Variants in CREB5 observed in about 807,000 individuals in gnomAD.
CREB5 encodes cyclic AMP-responsive element-binding protein 5.
A neutral mutation model predicts 57.1 loss-of-function variants in CREB5; 19 were observed. That is an observed-to-expected ratio of 0.33 (90% CI 0.23 to 0.49). CREB5 has a LOEUF of 0.49. CREB5 is among the 20% of genes least tolerant of loss of function. The pLI, the probability that CREB5 is intolerant of heterozygous loss-of-function variation, is 0.99. For missense variants in CREB5, 579 were observed against 671.6 expected (o/e 0.86, Z 1.52); for synonymous variants, 238 against 238.3 (o/e 1.00, Z 0.01).
intron 5 of CREB5, among the ~76,000 whole-genome samples, chr7:28,589,801 A>G (rs1275149797): frequency 6.6e-6 from 1 of 151,850 alleles, no homozygotes; most frequent in Non-Finnish European, 1.5e-5. Context: ...CTGCATTAGG[A>G]GTATTTATTC....
chr7:28,541,001 C>T (rs1457056758), intron 4 of CREB5, among the ~76,000 whole-genome samples: 3 of 152,208 alleles, frequency 2.0e-5, no homozygotes, highest in Non-Finnish European at 4.4e-5. Flanking sequence ...CTGTCCTGTG[C>T]TTACCAACAT....
intron 5 of CREB5, among the ~76,000 whole-genome samples, chr7:28,620,140 A>G (rs749929764): frequency 5.3e-5 from 8 of 152,220 alleles, no homozygotes; most frequent in Admixed American, 1.3e-4. Context: ...CTGTATAGAT[A>G]AGGGAAACAA....
At chr7:28,364,025 C>A (rs994066588) in intron 1 of CREB5, among the ~76,000 whole-genome samples, 1 of 152,216 alleles carries the variant, frequency 6.6e-6, no homozygotes. Context: ...AGGCTTACAA[C>A]TGAAGTTTTA....
At chr7:28,784,747 T>C (rs1807212153) in intron 7 of CREB5, among the ~76,000 whole-genome samples, 1 of 152,162 alleles carries the variant, frequency 6.6e-6, no homozygotes, top group African/African-American at 2.4e-5. Flanking sequence ...ATGTGGTTGA[T>C]GAGCGAAACG....
intron 4 of CREB5, among the ~76,000 whole-genome samples, chr7:28,561,007 T>TGC (rs765237919): frequency 0.38 from 16,654 of 43,460 alleles, 5,426 homozygotes; most frequent in South Asian, 0.48. Flanking sequence ...TGCGTGTGCG[T>TGC]GTGTGTGTGC....
intron 4 of CREB5, among the ~76,000 whole-genome samples, chr7:28,560,897 CGTGCGCGCGTGCGTGT>C (rs1562797627): frequency 0.035 from 780 of 22,126 alleles, 36 homozygotes; most frequent in Middle Eastern, 0.12. Context: ...CGTGTGTGTG[CGTGCGCGCGTGCGTGT>C]GCGTGTGTGC....
chr7:28,420,415 T>C (rs998626708), intron 1 of CREB5, among the ~76,000 whole-genome samples: 11 of 152,222 alleles, frequency 7.2e-5, no homozygotes, highest in Admixed American at 3.3e-4. Context: ...CACATAGTTG[T>C]AGTTATTTAA....
At chr7:28,597,829 G>A (rs1480927139) in intron 5 of CREB5, among the ~76,000 whole-genome samples, 3 of 152,138 alleles carry the variant, frequency 2.0e-5, no homozygotes, top group Non-Finnish European at 4.4e-5. Flanking sequence ...AACAAAACAG[G>A]AGTAGAGGAA....
intron 7 of CREB5, among the ~76,000 whole-genome samples, chr7:28,761,293 C>T (rs1447590797): frequency 6.6e-6 from 1 of 152,176 alleles, no homozygotes; most frequent in South Asian, 2.1e-4. Context: ...TGCTCACCAG[C>T]GATGGACCCT....
chr7:28,746,514 G>A (rs528493350), intron 7 of CREB5, among the ~76,000 whole-genome samples: 2 of 152,276 alleles, frequency 1.3e-5, no homozygotes, highest in African/African-American at 4.8e-5. Flanking sequence ...CAGGTAGCTC[G>A]CAAGCACATT....
At chr7:28,553,382 T>C (rs1225430140) in intron 4 of CREB5, among the ~76,000 whole-genome samples, 1 of 152,238 alleles carries the variant, frequency 6.6e-6, no homozygotes, top group African/African-American at 2.4e-5. Context: ...CAGCCTGGCA[T>C]GTAATCTTTC....
rs1045818600 is a variant in CREB5 at position 28,677,360 on chromosome 7, C to A, written c.465-41393C>A. Among the ~76,000 whole-genome samples, 7 of 152,244 alleles carry A rather than the reference C, an allele frequency of 4.6e-5. No homozygotes were observed. The South Asian group carries it at 1.2e-3, about 27-fold the overall frequency. Reference sequence around the variant, plus strand: ...GCCCCACCTTGACCTATATAATCTCCAAGGTAATACCTGGAGACCTACGTT... The same window carrying A: ...GCCCCACCTTGACCTATATAATCTCAAAGGTAATACCTGGAGACCTACGTT... On this transcript the variant is annotated intron_variant, in intron 5 of 10. Transcript: ENST00000357727.
chr7:28,727,526 G>A (rs1180010366), intron 7 of CREB5, among the ~76,000 whole-genome samples: 1 of 152,218 alleles, frequency 6.6e-6, no homozygotes, highest in Non-Finnish European at 1.5e-5. Flanking sequence ...GCATGCAGAT[G>A]ATTCTGTAGT....
intron 1 of CREB5, among the ~76,000 whole-genome samples, chr7:28,485,945 T>C (rs141265013): frequency 5.5e-4 from 83 of 152,256 alleles, no homozygotes; most frequent in African/African-American, 2.0e-3. Context: ...TGAGAAGTTA[T>C]TTTAATTGCT....
chr7:28,491,156 G>C (rs1791787521), intron 2 of CREB5: 9 of 955,386 alleles, frequency 9.4e-6, no homozygotes, highest in Non-Finnish European at 1.1e-5. Context: ...GCAGTGACGG[G>C]AAGCGGAGTG....
At chr7:28,667,190 G>A (rs1799860497) in intron 5 of CREB5, among the ~76,000 whole-genome samples, 1 of 151,686 alleles carries the variant, frequency 6.6e-6, no homozygotes, top group Non-Finnish European at 1.5e-5. Context: ...CTGTCCCTGG[G>A]TGGGGCTGTT....
intron 5 of CREB5, among the ~76,000 whole-genome samples, chr7:28,632,834 G>A (rs1387325965): frequency 2.0e-5 from 3 of 152,088 alleles, no homozygotes; most frequent in Non-Finnish European, 4.4e-5. Context: ...AAATGATATT[G>A]TGTTTTTAAT....
intron 9 of CREB5, among the ~76,000 whole-genome samples, chr7:28,809,998 T>A (rs1049587471): frequency 3.9e-5 from 6 of 152,154 alleles, no homozygotes; most frequent in African/African-American, 1.4e-4. Context: ...AAAGGCATGT[T>A]TTCATCTCAT....
chr7:28,476,498 C>A (rs1791073216), intron 1 of CREB5, among the ~76,000 whole-genome samples: 1 of 151,940 alleles, frequency 6.6e-6, no homozygotes, highest in Admixed American at 6.6e-5. Context: ...CAGATAAAAT[C>A]TATATCACCT....
Sources: allele counts gnomAD v4.1 joint callset (sites outside exome capture counted in the v4.1 genomes callset), GRCh38; gene constraint gnomAD v4.1.1; transcripts MANE v1.5; gene names NCBI Gene and HGNC (gene_info 2026-07-23, HGNC 2026-07-21).